Variants in ECI2 observed in about 807,000 individuals in gnomAD.
ECI2 encodes D3,D2-enoyl-CoA isomerase.
ECI2 carries 27 observed loss-of-function variants against 38.4 expected under a neutral mutation model. The observed-to-expected ratio is 0.70, with a 90% confidence interval of 0.52 to 0.97. ECI2 has a LOEUF of 0.97. ECI2 is among the 50% of genes least tolerant of loss of function. The pLI is 0.00. For missense variants in ECI2, 470 were observed against 474.4 expected (o/e 0.99, Z 0.09); for synonymous variants, 168 against 172.0 (o/e 0.98, Z 0.18).
chr6:4,116,180 A>C (rs532497023), intron 9 of ECI2, 151 bp from the exon 10 acceptor site: 2 of 738,096 alleles, frequency 2.7e-6, no homozygotes, highest in East Asian at 6.2e-5. Flanking sequence ...GTGAAACCCC[A>C]TCTCTACTAA....
chr6:4,133,602 T>G lies in ECI2; in HGVS notation c.160A>C (p.Lys54Gln). The change falls in exon 2 of 10, where the codon AAA (lysine) becomes CAA (glutamine). Residue 54 changes from lysine (K) to glutamine (Q), a missense_variant. By Grantham distance (53) the Lys-to-Gln change is moderately conservative (BLOSUM62 1). Coordinates refer to ENST00000380118, the MANE Select transcript of ECI2 (RefSeq NM_206836.3). Reference sequence around the variant, plus strand: ...TTCACTTCGTTTCCTGGATCCTTTTTCAAGAGTTTCACTTGATTCATTGAA... The same window carrying G: ...TTCACTTCGTTTCCTGGATCCTTTTGCAAGAGTTTCACTTGATTCATTGAA... The part of the protein sequence containing the change: ...ENSMNQVKLL[K>Q]KDPGNEVKLK... 1 of 1,614,088 alleles carries G rather than the reference T, an allele frequency of 6.2e-7. No homozygotes were observed. Among genetic ancestry groups the G allele is most frequent in the South Asian group, 1.1e-5 (1 of 91,070 alleles).
intron 4 of ECI2, 38 bp downstream of exon 4, chr6:4,130,334 A>C (rs376149717): frequency 1.2e-5 from 19 of 1,614,000 alleles, no homozygotes; most frequent in Admixed American, 8.3e-5. Flanking sequence ...AGAAGAAGAA[A>C]GTAAAACAGG....
rs41302847 is a variant in ECI2, at chr6:4,125,267, C to T, written c.778G>A (p.Val260Met). ...TGACTTACCCTGTCAGATGCATACA[C>T]GGCATCGAATAGCCCAAGGAGGGTG... is the stretch of plus-strand genomic sequence containing the variant. ...SVTLLGLFDA[V>M]YASDRATFHT... Residue 260 changes from valine to methionine, a missense_variant, in exon 7 of 10, where the codon GTG (valine) becomes ATG (methionine). Physicochemically the swap from Val to Met is conservative, Grantham distance 21. Transcript: ENST00000380118. The T allele has an allele frequency of 2.6e-5, 42 of 1,614,100 alleles. No individual in the cohort carries two copies. The highest frequency in any genetic ancestry group is 2.2e-5 in the South Asian group (2 of 91,080).
chr6:4,125,248 A>C lies in ECI2; in HGVS notation c.795+2T>G, dbSNP rs1174566598. 2.5e-6 allele frequency: 4 copies of C among 1,613,876 alleles called. No individual in the cohort carries two copies. In the African/African-American group the frequency reaches 4.0e-5, roughly 16 times the overall value. ...CCTCTTGCTTTCTAGGAGCTGACTT[A>C]CCCTGTCAGATGCATACACGGCATC... On this transcript the variant is annotated splice_donor_variant, in intron 7 of 9. Coordinates refer to ENST00000380118, the MANE Select transcript of ECI2 (RefSeq NM_206836.3). LOFTEE classifies it high-confidence loss of function.
chr6:4,125,736 T>A, intron 6 of ECI2: 1 of 411,568 alleles, frequency 2.4e-6, no homozygotes, highest in Non-Finnish European at 4.5e-6. Flanking sequence ...TTGGCAGGAA[T>A]AAAGAGAAAA....
intron 9 of ECI2, among the ~76,000 whole-genome samples, chr6:4,116,316 A>C (rs925089382): frequency 2.0e-5 from 3 of 151,816 alleles, no homozygotes; most frequent in Non-Finnish European, 4.4e-5. Flanking sequence ...GCACCATTGC[A>C]CTCCAGCCTG....
Position 4,126,199 on chromosome 6 carries a change from T to C in ECI2, c.610A>G (p.Asn204Asp). Residue 204 changes from asparagine (N) to aspartate (D), a missense_variant, in exon 6 of 10, where the codon AAC (asparagine) becomes GAC (aspartate). Asn to Asp is a conservative substitution (Grantham distance 23). Transcript: ENST00000380118. Reference sequence around the variant, plus strand: ...CCACCAGGGGGAATATCAGTGAAGTTAGTCAGATCATTCCCACTACTGTAA... The same window carrying C: ...CCACCAGGGGGAATATCAGTGAAGTCAGTCAGATCATTCCCACTACTGTAA... Reference protein sequence around the residue: ...DYYSSGNDLTNFTDIPPGGVE... With the variant: ...DYYSSGNDLTDFTDIPPGGVE... 3 of 1,613,844 alleles carry C rather than the reference T, an allele frequency of 1.9e-6. No homozygotes were observed. The highest frequency in any genetic ancestry group is 8.5e-7 in the Non-Finnish European group (1 of 1,179,968).
intron 2 of ECI2, among the ~76,000 whole-genome samples, chr6:4,133,164 T>C (rs1247112107): frequency 6.6e-6 from 1 of 152,206 alleles, no homozygotes; most frequent in Non-Finnish European, 1.5e-5. Flanking sequence ...CAACATTTTC[T>C]TATATAACCT....
intron 9 of ECI2, 93 bp from the exon 10 acceptor site, chr6:4,116,122 G>A (rs367665224): frequency 3.2e-5 from 45 of 1,416,368 alleles, no homozygotes; most frequent in Non-Finnish European, 3.7e-5. Context: ...AGGCCGAGGC[G>A]GGCAGATCAG....
chr6:4,127,138 C>A (rs1388888151), intron 5 of ECI2, among the ~76,000 whole-genome samples: 1 of 152,194 alleles, frequency 6.6e-6, no homozygotes, highest in Non-Finnish European at 1.5e-5. Flanking sequence ...TTGTGTATAT[C>A]ATTTATTCCA....
chr6:4,123,715 C>G (rs1581976746), intron 7 of ECI2, among the ~76,000 whole-genome samples: 1 of 151,884 alleles, frequency 6.6e-6, no homozygotes, highest in East Asian at 1.9e-4. Flanking sequence ...ACCTGTACTC[C>G]CAGCACTTCA....
intron 2 of ECI2, among the ~76,000 whole-genome samples, chr6:4,133,119 C>T (rs1278223608): frequency 6.6e-6 from 1 of 152,156 alleles, no homozygotes; most frequent in East Asian, 1.9e-4. Context: ...TGCTATTTCA[C>T]CCCTATATCC....
At chr6:4,133,397 CATATAT>C (rs112240029) in intron 2 of ECI2, 146 bp downstream of exon 2, 4 of 767,796 alleles carry the variant, frequency 5.2e-6, no homozygotes, top group Non-Finnish European at 7.8e-6. Context: ...AAAAAACTGG[CATATAT>C]ATATATACAC....
chr6:4,130,045 T>G (rs1346204935), intron 4 of ECI2: 1 of 1,428,484 alleles, frequency 7.0e-7, no homozygotes, highest in Middle Eastern at 2.5e-4. Flanking sequence ...AAGATACTTC[T>G]GGGAGCAGTC....
At chr6:4,119,346 G>A (rs2113970369) in intron 7 of ECI2, 71 bp from the exon 8 acceptor site, 1 of 1,236,742 alleles carries the variant, frequency 8.1e-7, no homozygotes, top group South Asian at 1.3e-5. Context: ...TGAGACAAAG[G>A]GTTTCGCTCT....
chr6:4,132,089 G>T (rs1202037512), intron 2 of ECI2, among the ~76,000 whole-genome samples: 1 of 152,106 alleles, frequency 6.6e-6, no homozygotes, highest in African/African-American at 2.4e-5. Flanking sequence ...GCAACAATTT[G>T]CTAGAAAGAC....
At chr6:4,130,087 T>C in intron 4 of ECI2, 1 of 1,606,484 alleles carries the variant, frequency 6.2e-7, no homozygotes, top group Non-Finnish European at 8.5e-7. Flanking sequence ...CTATGCAAAT[T>C]CTCTCATAGC....
chr6:4,126,787 A>C (rs1426579877), intron 5 of ECI2, among the ~76,000 whole-genome samples: 4 of 152,228 alleles, frequency 2.6e-5, no homozygotes, highest in Non-Finnish European at 4.4e-5. Context: ...AGAGCCACTG[A>C]AAGTATGTTT....
At chr6:4,124,825 G>A (rs1162781771) in intron 7 of ECI2, 2 of 265,674 alleles carry the variant, frequency 7.5e-6, no homozygotes, top group East Asian at 8.6e-5. Context: ...GCAAAGGAGG[G>A]AGTGACAGTA....
Sources: allele counts gnomAD v4.1 joint callset (sites outside exome capture counted in the v4.1 genomes callset), GRCh38; gene constraint gnomAD v4.1.1; transcripts MANE v1.5; gene names NCBI Gene and HGNC (gene_info 2026-07-23, HGNC 2026-07-21).